CACNA2D3: variants seen among roughly 807,000 people sequenced by gnomAD.
The protein encoded by CACNA2D3 is calcium voltage-gated channel auxiliary subunit alpha2delta 3.
A neutral mutation model predicts 160.6 loss-of-function variants in CACNA2D3; 60 were observed. That is an observed-to-expected ratio of 0.37 (90% CI 0.30 to 0.46). CACNA2D3 has a LOEUF of 0.46. CACNA2D3 is among the 20% of genes least tolerant of loss of function. CACNA2D3 has a pLI of 1.00. For missense variants in CACNA2D3, 1,205 were observed against 1,365.0 expected, an observed-to-expected ratio of 0.88 and a Z score of 1.85; for synonymous variants, 558 against 492.9, an observed-to-expected ratio of 1.13 and a Z score of -1.75.
intron 17 of CACNA2D3, among the ~76,000 whole-genome samples, chr3:54,856,360 A>T (rs67322081): frequency 0.39 from 60,006 of 152,040 alleles, 12,167 homozygotes; most frequent in Middle Eastern, 0.46. Flanking sequence ...ACAGTCCAGC[A>T]TGCTTGGGAG....
intron 11 of CACNA2D3, among the ~76,000 whole-genome samples, chr3:54,705,679 A>T (rs1405690995): frequency 1.3e-5 from 2 of 152,204 alleles, no homozygotes; most frequent in Non-Finnish European, 2.9e-5. Context: ...TGTTCCTATA[A>T]CTAAAAGCTT....
At chr3:54,265,719 C>T (rs1257234481) in intron 2 of CACNA2D3, among the ~76,000 whole-genome samples, 2 of 145,104 alleles carry the variant, frequency 1.4e-5, no homozygotes, top group Non-Finnish European at 3.0e-5. Context: ...TTTATATACG[C>T]ACACACACAG....
At chr3:54,622,698 A>G (rs1699015797) in intron 9 of CACNA2D3, among the ~76,000 whole-genome samples, 1 of 152,148 alleles carries the variant, frequency 6.6e-6, no homozygotes, top group South Asian at 2.1e-4. Flanking sequence ...AACGACCACA[A>G]CTGGGAGTAG....
intron 32 of CACNA2D3, among the ~76,000 whole-genome samples, chr3:55,005,265 G>A (rs1575431861): frequency 6.6e-6 from 1 of 151,892 alleles, no homozygotes; most frequent in South Asian, 2.1e-4. Flanking sequence ...AACAGAGCGA[G>A]CCTGCCTCTC....
intron 2 of CACNA2D3, among the ~76,000 whole-genome samples, chr3:54,152,311 T>C (rs192145803): frequency 2.0e-5 from 3 of 152,360 alleles, no homozygotes; most frequent in East Asian, 3.9e-4. Context: ...ATTTCGATCA[T>C]TGGGTGTGTG....
At chr3:54,345,046 A>G (rs977989449) in intron 3 of CACNA2D3, among the ~76,000 whole-genome samples, 2 of 152,220 alleles carry the variant, frequency 1.3e-5, no homozygotes, top group Non-Finnish European at 2.9e-5. Context: ...TATAGGGTCT[A>G]AAAAGGAGAG....
intron 2 of CACNA2D3, among the ~76,000 whole-genome samples, chr3:54,185,082 G>A (rs1367519600): frequency 6.6e-6 from 1 of 152,174 alleles, no homozygotes; most frequent in Non-Finnish European, 1.5e-5. Context: ...AAATTCTTCT[G>A]TTGACAGGAT....
intron 11 of CACNA2D3, among the ~76,000 whole-genome samples, chr3:54,746,093 C>G (rs1701748986): frequency 6.6e-6 from 1 of 152,172 alleles, no homozygotes; most frequent in South Asian, 2.1e-4. Context: ...TTAAAGCAGC[C>G]TGCTCAATAT....
intron 3 of CACNA2D3, among the ~76,000 whole-genome samples, chr3:54,328,526 C>A (rs965946764): frequency 6.6e-6 from 1 of 152,172 alleles, no homozygotes; most frequent in Non-Finnish European, 1.5e-5. Context: ...AGGTGATCTG[C>A]CCACCTCGGC....
intron 16 of CACNA2D3, among the ~76,000 whole-genome samples, chr3:54,839,730 G>A (rs1026960744): frequency 6.6e-6 from 1 of 152,154 alleles, no homozygotes; most frequent in Non-Finnish European, 1.5e-5. Flanking sequence ...GGGGACCTGG[G>A]CTTTCCTGGG....
rs757838355 is a variant in CACNA2D3 at position 54,687,121 on chromosome 3, C to CT, written c.1167+44893dup. On this transcript the variant is annotated intron_variant, in intron 11 of 37. Transcript: ENST00000474759. The stretch of plus-strand genomic sequence containing the variant: ...AAATCGGATTTTTCTTTTTCTTTTT[C>CT]TTTTTTTTTTTTTGTTTTTTTTTTT... 4.5e-3 allele frequency among the ~76,000 whole-genome samples: 424 copies of CT among 94,866 alleles called. 12 individuals carry two copies. Among genetic ancestry groups the CT allele is most frequent in the African/African-American group, 7.4e-3 (184 of 24,996 alleles). 62.2% of individuals were successfully genotyped at this position (94,866 alleles called of 152,430 possible). A position where few individuals can be genotyped will look rare whatever the true frequency, so the allele number is the denominator to read the frequency against.
In CACNA2D3 at chr3:54,783,605, CAAAT is replaced by C. The variant is rs1305507074; in HGVS notation, c.1380+19274_1380+19277del. Among the ~76,000 whole-genome samples, 36 of 151,514 alleles carry C rather than the reference CAAAT, an allele frequency of 2.4e-4. 1 individual carries two copies. Among genetic ancestry groups the C allele is most frequent in the African/African-American group, 5.6e-4 (23 of 41,210 alleles). ...TGGGTGACCGAGTAAGACTCCATCTCAAATAAATAAATAAATAAATAAAAATAAA... is the reference window on the plus strand; with the variant it reads ...TGGGTGACCGAGTAAGACTCCATCTCAAATAAATAAATAAATAAAAATAAA... On this transcript the variant is annotated intron_variant, in intron 13 of 37. Coordinates refer to ENST00000474759, the MANE Select transcript of CACNA2D3 (RefSeq NM_018398.3).
chr3:54,869,235 TGGTGTTGGGTG>T (rs1321630187), intron 17 of CACNA2D3, among the ~76,000 whole-genome samples: 2 of 152,222 alleles, frequency 1.3e-5, no homozygotes, highest in African/African-American at 4.8e-5. Flanking sequence ...TGACAGAGGC[TGGTGTTGGGTG>T]GGGTGTCCTC....
chr3:54,947,707 G>A (rs1701649779), intron 27 of CACNA2D3, among the ~76,000 whole-genome samples: 1 of 152,126 alleles, frequency 6.6e-6, no homozygotes, highest in Non-Finnish European at 1.5e-5. Flanking sequence ...TATCAGTCAG[G>A]ACTCGGTCTT....
chr3:54,393,680 A>G (rs1699321645), intron 4 of CACNA2D3, among the ~76,000 whole-genome samples: 1 of 152,208 alleles, frequency 6.6e-6, no homozygotes, highest in Admixed American at 6.5e-5. Context: ...TGCCTGAGCT[A>G]AAGAGGTACA....
At position 54,417,236 on chromosome 3, in the gene CACNA2D3, C is replaced by G. The variant is rs115660643; in HGVS notation, c.381+30462C>G. ...CTAGATCTGACATTTCACTTGTTCA[C>G]AGCAAAATAAAACAACAACAGCACA... On this transcript the variant is annotated intron_variant, in intron 4 of 37. Coordinates refer to ENST00000474759, the MANE Select transcript of CACNA2D3 (RefSeq NM_018398.3). Among the ~76,000 whole-genome samples the G allele has an allele frequency of 6.6e-3, 1,003 of 152,266 alleles. 10 individuals carry two copies. Among genetic ancestry groups the G allele is most frequent in the African/African-American group, 0.023 (966 of 41,538 alleles).
chr3:54,298,099 G>C (rs1703380770), intron 2 of CACNA2D3, among the ~76,000 whole-genome samples: 1 of 152,204 alleles, frequency 6.6e-6, no homozygotes, highest in Admixed American at 6.5e-5. Context: ...ATACCAGTGT[G>C]GTAGACCAAA....
intron 2 of CACNA2D3, among the ~76,000 whole-genome samples, chr3:54,192,796 G>C (rs528237965): frequency 6.6e-6 from 1 of 152,292 alleles, no homozygotes; most frequent in East Asian, 1.9e-4. Context: ...GTTACTAATG[G>C]CACTGCAGCT....
intron 11 of CACNA2D3, among the ~76,000 whole-genome samples, chr3:54,696,868 A>T (rs1700675808): frequency 6.6e-6 from 1 of 152,236 alleles, no homozygotes; most frequent in Non-Finnish European, 1.5e-5. Flanking sequence ...GTCCAAGAGT[A>T]TGCAGAGTTT....
Sources: gnomAD v4.1 joint callset for allele counts (sites outside exome capture counted in the v4.1 genomes callset) on GRCh38, gnomAD v4.1.1 for gene constraint, MANE v1.5 for transcripts, NCBI Gene and HGNC (gene_info 2026-07-23, HGNC 2026-07-21) for gene names.